Variants in COL4A1 observed in about 807,000 individuals in gnomAD.
The protein encoded by COL4A1 is collagen alpha-1(IV) chain.
COL4A1 carries 40 observed loss-of-function variants against 216.6 expected under a neutral mutation model. The ratio of observed to expected loss-of-function variants is 0.18; its 90% CI spans 0.14 to 0.24. The LOEUF (loss-of-function observed/expected upper bound fraction) is 0.24. Ranked by LOEUF, COL4A1 falls within the 10% of genes least tolerant of loss-of-function variation. The probability of loss-of-function intolerance (pLI) is 1.00; values close to 1 mark genes in which losing one functional copy is unlikely to be tolerated. For missense variants in COL4A1, 1,628 were observed against 2,196.8 expected (o/e 0.74, Z 5.18); for synonymous variants, 839 against 810.7 (o/e 1.03, Z -0.59).
chr13:110,176,752 G>T, intron 34 of COL4A1, 28 bp from the exon 35 acceptor site: 1 of 1,612,298 alleles, frequency 6.2e-7, no homozygotes, highest in Non-Finnish European at 8.5e-7. Context: ...AAATAGCAAT[G>T]ACCCGCATTT....
At chr13:110,239,226 G>A (rs1282403846) in intron 2 of COL4A1, among the ~76,000 whole-genome samples, 1 of 152,148 alleles carries the variant, frequency 6.6e-6, no homozygotes, top group Non-Finnish European at 1.5e-5. Context: ...GCACTAAAAT[G>A]TATTTATAGT....
chr13:110,215,560 C>CAAAAAAA (rs869160688), intron 2 of COL4A1, among the ~76,000 whole-genome samples: 1 of 65,628 alleles, frequency 1.5e-5, no homozygotes. Flanking sequence ...GACTCTGTCT[C>CAAAAAAA]AAAAAAAAAA....
chr13:110,203,675 A>AAACATT, intron 17 of COL4A1, 68 bp from the exon 18 acceptor site: 1 of 1,548,042 alleles, frequency 6.5e-7, no homozygotes, highest in Admixed American at 1.7e-5. Context: ...AAAGCAGATT[A>AAACATT]AACATTTCTT....
At chr13:110,225,846 G>C (rs963663419) in intron 2 of COL4A1, among the ~76,000 whole-genome samples, 1 of 152,188 alleles carries the variant, frequency 6.6e-6, no homozygotes, top group African/African-American at 2.4e-5. Flanking sequence ...CAACCCCTGG[G>C]ACGCTCTGAA....
chr13:110,163,605 G>T, intron 46 of COL4A1, 44 bp from the exon 47 acceptor site: 1 of 1,524,662 alleles, frequency 6.6e-7, no homozygotes, highest in Non-Finnish European at 9.0e-7. Flanking sequence ...ATGGCAGTAA[G>T]CTGTATCTCT....
intron 1 of COL4A1, among the ~76,000 whole-genome samples, chr13:110,246,164 G>A (rs615687): frequency 0.99 from 149,936 of 151,792 alleles, 74,076 homozygotes; most frequent in Middle Eastern, 1. Context: ...AAACAAAAAA[G>A]CTAGCCTTTA....
intron 1 of COL4A1, among the ~76,000 whole-genome samples, chr13:110,302,353 C>T (rs1317528905): frequency 2.3e-4 from 34 of 150,916 alleles, no homozygotes; most frequent in Admixed American, 2.2e-3. Flanking sequence ...GGAGGCGTCG[C>T]GTGGAAATGT....
chr13:110,211,592 T>A lies in COL4A1; in HGVS notation c.468+55A>T. The stretch of plus-strand genomic sequence containing the variant: ...AGAGAATGTGCTTCTATGGCACTTG[T>A]TGTAAACAGATTCCCTGTAATGAAT... On this transcript the variant is annotated intron_variant, in intron 8 of 51. Transcript: ENST00000375820. This position sits in a 1 kb window ranked among gnomAD's most constrained non-coding sequence, Gnocchi z 4.3. The A allele has an allele frequency of 6.4e-7, 1 of 1,560,870 alleles. No individual in the cohort carries two copies. Among genetic ancestry groups the A allele is most frequent in the South Asian group, 1.2e-5 (1 of 86,572 alleles).
chr13:110,213,378 G>A (rs1879913288), intron 4 of COL4A1, among the ~76,000 whole-genome samples: 1 of 152,200 alleles, frequency 6.6e-6, no homozygotes, highest in African/African-American at 2.4e-5. Flanking sequence ...ACTAAGAGGT[G>A]GAGAGGAGGA....
intron 1 of COL4A1, among the ~76,000 whole-genome samples, chr13:110,300,412 C>T (rs1039950900): frequency 5.9e-5 from 9 of 152,240 alleles, no homozygotes; most frequent in African/African-American, 2.2e-4. Flanking sequence ...CATTGAATTA[C>T]AGCTGGAACA....
chr13:110,306,883 G>A, intron 1 of COL4A1, 61 bp downstream of exon 1: 2 of 1,392,652 alleles, frequency 1.4e-6, no homozygotes, highest in Non-Finnish European at 1.9e-6. Context: ...GGACAAAGGG[G>A]CCTCTCGGGG....
chr13:110,276,402 G>C (rs1250523450), intron 1 of COL4A1, among the ~76,000 whole-genome samples: 1 of 152,116 alleles, frequency 6.6e-6, no homozygotes, highest in Non-Finnish European at 1.5e-5. Context: ...TGAGCCTCCT[G>C]TTAGGCCCCT....
At chr13:110,203,488 C>G (rs969333866) in intron 18 of COL4A1, 78 bp downstream of exon 18, 83 of 1,526,760 alleles carry the variant, frequency 5.4e-5, no homozygotes, top group Non-Finnish European at 7.2e-5. Context: ...TTCCTCCCCC[C>G]AGTGCTCTCA....
At position 110,205,542 on chromosome 13, in the gene COL4A1, T is replaced by C; in HGVS notation, c.859-4A>G. ...CACCATCTTTTCCGGGTTTGCCCTG[T>C]AGAATAAAGATGTAAACGTTAGTAT... On this transcript the variant is annotated splice_polypyrimidine_tract_variant and splice_region_variant and intron_variant, in intron 15 of 51. Coordinates refer to ENST00000375820, the MANE Select transcript of COL4A1 (RefSeq NM_001845.6). The C allele has an allele frequency of 6.2e-7, 1 of 1,611,624 alleles. No homozygotes were observed. Among genetic ancestry groups the C allele is most frequent in the South Asian group, 1.1e-5 (1 of 91,066 alleles).
chr13:110,190,861 T>C (rs1258941635), intron 24 of COL4A1: 1 of 152,208 alleles, frequency 6.6e-6, no homozygotes, highest in Non-Finnish European at 1.5e-5. Context: ...TTTTCTTCTA[T>C]ATTATGATCT....
At chr13:110,172,840 C>A (rs1877708180) in intron 40 of COL4A1, 70 bp from the exon 41 acceptor site, 6 of 1,240,030 alleles carry the variant, frequency 4.8e-6, no homozygotes, top group Middle Eastern at 1.9e-4. Context: ...CAACACAAAG[C>A]ACTATCAACT....
chr13:110,164,896 C>T lies in COL4A1; in HGVS notation c.4116G>A (p.Gly1372=). 6.2e-7 allele frequency: 1 copy of T among 1,610,212 alleles called. No homozygotes were observed. Among genetic ancestry groups the T allele is most frequent in the Non-Finnish European group, 8.5e-7 (1 of 1,178,332 alleles). ...CTTTCGGGCCTGGCAGTCCCTGAAGCCCTTTCAGCCCTGGGGGGCCCTCAG... is the reference window on the plus strand; with the variant it reads ...CTTTCGGGCCTGGCAGTCCCTGAAGTCCTTTCAGCCCTGGGGGGCCCTCAG... ...PGPEGPPGLK[G]LQGLPGPKGQ... Residue 1372 remains glycine, a synonymous_variant, in exon 46 of 52, where the codon GGG becomes GGA. Coordinates refer to ENST00000375820, the MANE Select transcript of COL4A1 (RefSeq NM_001845.6).
intron 2 of COL4A1, among the ~76,000 whole-genome samples, chr13:110,241,553 C>T (rs1434052782): frequency 6.6e-6 from 1 of 152,160 alleles, no homozygotes; most frequent in African/African-American, 2.4e-5. Context: ...TGAGCATGCA[C>T]ACTGGAAATC....
At chr13:110,165,187 C>T (rs1371165266) in intron 45 of COL4A1, among the ~76,000 whole-genome samples, 197 bp from the exon 46 acceptor site, 1 of 152,110 alleles carries the variant, frequency 6.6e-6, no homozygotes, top group African/African-American at 2.4e-5. Flanking sequence ...ACCTGAAATC[C>T]TGAACTCTCG....
Sources: gnomAD v4.1 joint callset for allele counts (sites outside exome capture counted in the v4.1 genomes callset) on GRCh38, gnomAD v4.1.1 for gene constraint, Gnocchi (gnomAD v3.1) non-coding constraint, MANE v1.5 for transcripts, NCBI Gene and HGNC (gene_info 2026-07-23, HGNC 2026-07-21) for gene names.